Variants in CLIC4 observed in about 807,000 individuals in gnomAD.
The protein encoded by CLIC4 is CLIC family member 4, also known as chloride intracellular channel protein 4.
Under a neutral mutation model 24.6 loss-of-function variants are expected in CLIC4, and 13 were observed. The observed-to-expected ratio is 0.53, with a 90% confidence interval of 0.34 to 0.84. CLIC4 has a LOEUF of 0.84. Among genes scored for constraint, CLIC4 ranks in the 40% least tolerant of loss-of-function variants. The pLI is 0.01. For missense variants in CLIC4, 227 were observed against 301.7 expected, an observed-to-expected ratio of 0.75 and a Z score of 1.83; for synonymous variants, 104 against 111.3, an observed-to-expected ratio of 0.93 and a Z score of 0.41.
intron 1 of CLIC4, among the ~76,000 whole-genome samples, chr1:24,760,398 A>G (rs1394069790): frequency 1.3e-5 from 2 of 152,122 alleles, no homozygotes; most frequent in African/African-American, 2.4e-5. Context: ...AAAATCTTAA[A>G]TAGATCCTGC....
chr1:24,827,522 C>G (rs556085268), intron 4 of CLIC4, among the ~76,000 whole-genome samples: 17 of 147,214 alleles, frequency 1.2e-4, no homozygotes, highest in African/African-American at 4.0e-4. Context: ...TGAGTGCCTG[C>G]AGCCTAGAGT....
At chr1:24,752,946 C>T (rs1638795071) in intron 1 of CLIC4, among the ~76,000 whole-genome samples, 1 of 152,178 alleles carries the variant, frequency 6.6e-6, no homozygotes, top group Admixed American at 6.6e-5. Context: ...TGGTCTCGAT[C>T]TCCTGACCCC....
intron 1 of CLIC4, among the ~76,000 whole-genome samples, chr1:24,789,864 C>T (rs1159585566): frequency 2.0e-5 from 3 of 151,936 alleles, no homozygotes; most frequent in Admixed American, 6.6e-5. Context: ...TGGTATGACA[C>T]GTTCAGTTGA....
chr1:24,805,740 C>T (rs1639543621), intron 2 of CLIC4, among the ~76,000 whole-genome samples: 2 of 152,188 alleles, frequency 1.3e-5, no homozygotes, highest in Non-Finnish European at 2.9e-5. Flanking sequence ...CATTTCATAC[C>T]AAGCAGCTGG....
intron 1 of CLIC4, among the ~76,000 whole-genome samples, chr1:24,760,130 C>CTGAGGCAGGTGGATCAGTTGAGG (rs1638902637): frequency 6.6e-6 from 1 of 152,122 alleles, no homozygotes; most frequent in Non-Finnish European, 1.5e-5. Flanking sequence ...CTTTGGGAGG[C>CTGAGGCAGGTGGATCAGTTGAGG]TGAGGCAGGT....
At chr1:24,800,607 G>A (rs572410502) in intron 2 of CLIC4, among the ~76,000 whole-genome samples, 1 of 152,342 alleles carries the variant, frequency 6.6e-6, no homozygotes, top group African/African-American at 2.4e-5. Context: ...GACAATGGCG[G>A]CTTTGTGGAA....
chr1:24,818,521 AAGG>A (rs1399968175), intron 3 of CLIC4, among the ~76,000 whole-genome samples: 26 of 152,262 alleles, frequency 1.7e-4, no homozygotes, highest in African/African-American at 6.0e-4. Context: ...TCCTGACCTC[AAGG>A]TATCCGCCCA....
intron 1 of CLIC4, among the ~76,000 whole-genome samples, chr1:24,789,140 T>G (rs1639305145): frequency 1.3e-5 from 2 of 152,220 alleles, no homozygotes; most frequent in Admixed American, 1.3e-4. Flanking sequence ...TTCTATAGAA[T>G]AAATTTCTAG....
At chr1:24,808,504 C>A (rs1639577660) in intron 2 of CLIC4, among the ~76,000 whole-genome samples, 1 of 151,340 alleles carries the variant, frequency 6.6e-6, no homozygotes, top group Admixed American at 6.6e-5. Flanking sequence ...CTGCAACCGC[C>A]CCCGCCCCCG....
intron 2 of CLIC4, among the ~76,000 whole-genome samples, chr1:24,807,263 AC>A (rs1639560808): frequency 2.0e-5 from 3 of 151,026 alleles, no homozygotes; most frequent in Non-Finnish European, 4.4e-5. Context: ...TACCCGACCT[AC>A]CCCTTTGGGT....
intron 1 of CLIC4, among the ~76,000 whole-genome samples, chr1:24,784,658 AG>A: frequency 6.6e-6 from 1 of 152,318 alleles, no homozygotes; most frequent in East Asian, 1.9e-4. Context: ...GGTGATGCTG[AG>A]TAAGGAAATG....
At chr1:24,800,666 C>T (rs1002129828) in intron 2 of CLIC4, among the ~76,000 whole-genome samples, 24 of 152,240 alleles carry the variant, frequency 1.6e-4, no homozygotes, top group South Asian at 2.1e-4. Context: ...GGATGGTTGC[C>T]GTGTCTGTGT....
intron 4 of CLIC4, among the ~76,000 whole-genome samples, chr1:24,829,896 C>A (rs1639823332): frequency 1.3e-5 from 2 of 152,194 alleles, no homozygotes; most frequent in South Asian, 4.1e-4. Context: ...CTTTAAATAC[C>A]CATTACCTCT....
At chr1:24,789,098 T>C (rs1639304804) in intron 1 of CLIC4, among the ~76,000 whole-genome samples, 1 of 152,230 alleles carries the variant, frequency 6.6e-6, no homozygotes, top group South Asian at 2.1e-4. Context: ...AGTATTCCTC[T>C]CTCTTGTATC....
chr1:24,803,910 A>C (rs1159978575), intron 2 of CLIC4, among the ~76,000 whole-genome samples: 2 of 152,190 alleles, frequency 1.3e-5, no homozygotes, highest in Non-Finnish European at 2.9e-5. Context: ...AAAGGGAAAA[A>C]AACTTCACTT....
At chr1:24,802,694 T>C (rs1639504111) in intron 2 of CLIC4, among the ~76,000 whole-genome samples, 1 of 151,762 alleles carries the variant, frequency 6.6e-6, no homozygotes, top group African/African-American at 2.4e-5. Flanking sequence ...TTCCAAATCT[T>C]TTCCTTTTTT....
chr1:24,796,311 C>T (rs753728557), intron 1 of CLIC4, among the ~76,000 whole-genome samples: 1 of 152,114 alleles, frequency 6.6e-6, no homozygotes, highest in African/African-American at 2.4e-5. Flanking sequence ...GCCTCAGCCT[C>T]GCAAGTAGCT....
At chr1:24,773,742 G>A (rs965897723) in intron 1 of CLIC4, among the ~76,000 whole-genome samples, 1 of 151,680 alleles carries the variant, frequency 6.6e-6, no homozygotes, top group African/African-American at 2.4e-5. Context: ...GACTAAAGGT[G>A]TGTACTACCA....
At chr1:24,830,424 C>T (rs905090008) in intron 4 of CLIC4, among the ~76,000 whole-genome samples, 2 of 151,602 alleles carry the variant, frequency 1.3e-5, no homozygotes, top group African/African-American at 4.8e-5. Context: ...TTAACCATTT[C>T]CATGTTGATA....
Sources: allele counts gnomAD v4.1 joint callset (sites outside exome capture counted in the v4.1 genomes callset), GRCh38; gene constraint gnomAD v4.1.1; transcripts MANE v1.5; gene names NCBI Gene and HGNC (gene_info 2026-07-23, HGNC 2026-07-21).